The following NWD1 variants were observed in gnomAD, a reference collection of about 807,000 sequenced individuals.
NWD1 encodes NACHT and WD repeat domain containing 1.
A neutral mutation model predicts 135.1 loss-of-function variants in NWD1; 129 were observed. The observed-to-expected ratio is 0.96, with a 90% CI of 0.83 to 1.11. NWD1 has a LOEUF of 1.11. NWD1 is among the 50% of genes least tolerant of loss of function. NWD1 has a pLI of 0.00. For missense variants in NWD1, 1,740 were observed against 1,851.3 expected, an observed-to-expected ratio of 0.94 and a Z score of 1.10; for synonymous variants, 773 against 786.0, an observed-to-expected ratio of 0.98 and a Z score of 0.28.
chr19:16,786,145 G>A (rs887116407), intron 12 of NWD1, among the ~76,000 whole-genome samples: 64 of 151,940 alleles, frequency 4.2e-4, no homozygotes, highest in East Asian at 9.7e-4. Context: ...GTTTACAGGC[G>A]TGAGCCACTG....
chr19:16,738,284 CATGGCCAGGT>C, intron 4 of NWD1: 1 of 445,336 alleles, frequency 2.2e-6, no homozygotes, highest in Middle Eastern at 3.4e-4. Context: ...AGAAAAGTAC[CATGGCCAGGT>C]ATGGTGGCTC....
intron 3 of NWD1, 36 bp downstream of exon 3, chr19:16,731,314 T>C: frequency 7.5e-7 from 1 of 1,328,592 alleles, no homozygotes; most frequent in Non-Finnish European, 1.0e-6. Context: ...ATGCTTTTTT[T>C]ATTTTTTTTT....
intron 17 of NWD1, among the ~76,000 whole-genome samples, chr19:16,805,035 T>A (rs1013388695): frequency 6.6e-6 from 1 of 151,462 alleles, no homozygotes; most frequent in Non-Finnish European, 1.5e-5. Context: ...TTATTTATTT[T>A]TATTTTTATT....
chr19:16,734,205 G>A (rs1359021177), intron 3 of NWD1, among the ~76,000 whole-genome samples: 2 of 152,062 alleles, frequency 1.3e-5, no homozygotes, highest in Non-Finnish European at 2.9e-5. Context: ...GTGTGGACAC[G>A]TCCTTGCTTT....
In NWD1 at chr19:16,808,044, A is replaced by G. The variant is rs1158900313; in HGVS notation, c.4195A>G (p.Lys1399Glu). 1.1e-5 allele frequency: 18 copies of G among 1,613,956 alleles called. No homozygotes were observed. In the Admixed American group the frequency reaches 2.7e-4, roughly 24 times the overall value. Residue 1399 changes from lysine (K) to glutamate (E), a missense_variant, in exon 18 of 19, where the codon AAG (lysine) becomes GAG (glutamate). Coordinates refer to ENST00000524140, the MANE Select transcript of NWD1 (RefSeq NM_001007525.5). ...AGTTGCCTGTGTGGAGGTCAGCCAC[A>G]AGGAGCAGCTGGTGGTCAGCGGGTC... is the stretch of plus-strand genomic sequence containing the variant. ...SRVACVEVSH[K>E]EQLVVSGSED... is the part of the protein sequence containing the mutation.
rs533876074 is a variant in NWD1 at position 16,745,890 on chromosome 19, A to C, written c.496+1172A>C. Among the ~76,000 whole-genome samples the C allele has an allele frequency of 7.7e-4, 117 of 152,182 alleles. 1 individual carries two copies. The highest frequency in any genetic ancestry group is 2.8e-3 in the African/African-American group (115 of 41,544). On this transcript the variant is annotated intron_variant, in intron 5 of 18. Coordinates refer to ENST00000524140, the MANE Select transcript of NWD1 (RefSeq NM_001007525.5). ...TATGATCTTGCCACTGCACTCCAGC[A>C]TGGGTGACAGAGTGAGACCCTGTCT...
chr19:16,735,594 C>T (rs548333403), intron 3 of NWD1, among the ~76,000 whole-genome samples: 1 of 150,186 alleles, frequency 6.7e-6, no homozygotes, highest in South Asian at 2.1e-4. Context: ...TTTGGGAAGC[C>T]GAGGTGGGTG....
At chr19:16,747,057 G>C (rs866273431) in intron 5 of NWD1, among the ~76,000 whole-genome samples, 5 of 136,054 alleles carry the variant, frequency 3.7e-5, no homozygotes, top group Middle Eastern at 8.2e-3. Context: ...TTTTTTTTGA[G>C]ATGGAGTCTT....
intron 1 of NWD1, among the ~76,000 whole-genome samples, chr19:16,722,080 T>C (rs1029861897): frequency 6.6e-6 from 1 of 151,746 alleles, no homozygotes; most frequent in Non-Finnish European, 1.5e-5. Flanking sequence ...GTCACTGCAC[T>C]CTAATCTGGG....
intron 6 of NWD1, among the ~76,000 whole-genome samples, chr19:16,757,177 G>GA (rs1174179125): frequency 1.3e-5 from 2 of 152,172 alleles, no homozygotes; most frequent in African/African-American, 2.4e-5. Context: ...TGGTCCGCGG[G>GA]AAAAAAATTG....
At position 16,816,606 on chromosome 19, in the gene NWD1, TGG is replaced by T. The variant is rs1326523855; in HGVS notation, c.*1568_*1569del. ...TCAAACTGTTTTCATTCCACTTAAGTGGATCTTTCTTCTTTGCCCACAGCCTT... is the reference window on the plus strand; with the variant it reads ...TCAAACTGTTTTCATTCCACTTAAGTATCTTTCTTCTTTGCCCACAGCCTT... On this transcript the variant is annotated 3_prime_UTR_variant, in exon 19 of 19. Transcript: ENST00000524140. The T allele has an allele frequency of 6.6e-6, 1 of 152,242 alleles. No individual in the cohort carries two copies. The highest frequency in any genetic ancestry group is 2.4e-5 in the African/African-American group (1 of 41,466). The allele number at this position is 152,242 out of a possible 1,614,324, so 9.4% of individuals were successfully genotyped here.
At chr19:16,752,108 C>G (rs1458532893) in intron 6 of NWD1, among the ~76,000 whole-genome samples, 1 of 152,138 alleles carries the variant, frequency 6.6e-6, no homozygotes, top group Non-Finnish European at 1.5e-5. Context: ...TTGGCAGAGA[C>G]GCCAAGGAAC....
intron 4 of NWD1, chr19:16,738,108 C>A: frequency 2.9e-6 from 1 of 346,436 alleles, no homozygotes; most frequent in Non-Finnish European, 5.9e-6. Flanking sequence ...ACAGCCATGT[C>A]CACTTGTTTA....
chr19:16,758,627 T>G (rs966062994), intron 6 of NWD1, among the ~76,000 whole-genome samples: 2 of 151,876 alleles, frequency 1.3e-5, no homozygotes, highest in African/African-American at 4.8e-5. Context: ...TGGAGTGGGG[T>G]AGGTGCAGTT....
chr19:16,758,643 C>T (rs1968885943), intron 6 of NWD1, among the ~76,000 whole-genome samples: 1 of 152,076 alleles, frequency 6.6e-6, no homozygotes, highest in African/African-American at 2.4e-5. Flanking sequence ...CAGTTGGTTT[C>T]TGCATTATTT....
At position 16,797,820 on chromosome 19, in the gene NWD1, GGAGACGGCTGTTTTTGGTACT is replaced by G; in HGVS notation, c.3398_3418del (p.Thr1133_Glu1139del). On this transcript the variant is annotated inframe_deletion, in exon 16 of 19. Coordinates refer to ENST00000524140, the MANE Select transcript of NWD1 (RefSeq NM_001007525.5). Reference sequence around the variant, plus strand: ...TGGATCTGGAACATGAAGACATGGTGGAGACGGCTGTTTTTGGTACTGAGAACAACCTGATCATCACGGGGT... The same window carrying G: ...TGGATCTGGAACATGAAGACATGGTGGAGAACAACCTGATCATCACGGGGT... The G allele has an allele frequency of 6.2e-7, 1 of 1,614,058 alleles. No homozygotes were observed. Among genetic ancestry groups the G allele is most frequent in the Non-Finnish European group, 8.5e-7 (1 of 1,179,912 alleles).
chr19:16,783,897 G>A (rs1403068302), intron 12 of NWD1, among the ~76,000 whole-genome samples: 2 of 152,090 alleles, frequency 1.3e-5, no homozygotes, highest in African/African-American at 4.8e-5. Flanking sequence ...GGTATTGTAA[G>A]TAACCTAGAG....
chr19:16,788,963 C>T lies in NWD1; in HGVS notation c.2732-19C>T. On this transcript the variant is annotated intron_variant, in intron 12 of 18. Coordinates refer to ENST00000524140, the MANE Select transcript of NWD1 (RefSeq NM_001007525.5). ...ATGTTCCCAGCTAATATACTCTCCCCTACCCTGGCCTGCTGCAGGAGAGGT... is the reference window on the plus strand; with the variant it reads ...ATGTTCCCAGCTAATATACTCTCCCTTACCCTGGCCTGCTGCAGGAGAGGT... The T allele has an allele frequency of 1.9e-6, 3 of 1,598,520 alleles. No homozygotes were observed. The highest frequency in any genetic ancestry group is 2.6e-6 in the Non-Finnish European group (3 of 1,167,672).
At position 16,815,059 on chromosome 19, in the gene NWD1, T is replaced by C. The variant is rs759382643; in HGVS notation, c.*20T>C. 4 of 1,613,512 alleles carry C rather than the reference T, an allele frequency of 2.5e-6. No homozygotes were observed. Among genetic ancestry groups the C allele is most frequent in the Non-Finnish European group, 3.4e-6 (4 of 1,179,444 alleles). ...TGCTGACAGTCCAGTTTGTCCATGCTGTGGTAAACAGAATCATCCCAACCA... is the reference window on the plus strand; with the variant it reads ...TGCTGACAGTCCAGTTTGTCCATGCCGTGGTAAACAGAATCATCCCAACCA... On this transcript the variant is annotated 3_prime_UTR_variant, in exon 19 of 19. Transcript: ENST00000524140.
Sources: gnomAD v4.1 joint callset for allele counts (sites outside exome capture counted in the v4.1 genomes callset) on GRCh38, gnomAD v4.1.1 for gene constraint, MANE v1.5 for transcripts, NCBI Gene and HGNC (gene_info 2026-07-23, HGNC 2026-07-21) for gene names.